The following RNPS1 variants were observed in gnomAD, a reference collection of about 807,000 sequenced individuals.
RNPS1 encodes the protein RNA-binding protein with serine-rich domain 1.
For missense variants in RNPS1, 300 were observed against 427.6 expected (o/e 0.70, Z 2.63); for synonymous variants, 147 against 150.0 (o/e 0.98, Z 0.15).
intron 6 of RNPS1, chr16:2,258,285 G>A (rs2093587438): frequency 6.6e-6 from 1 of 152,156 alleles, no homozygotes; most frequent in South Asian, 2.1e-4. Context: ...TGATCCTTAA[G>A]CTTTTAACAG....
chr16:2,267,550 G>T, intron 1 of RNPS1: 1 of 1,043,734 alleles, frequency 9.6e-7, no homozygotes, highest in Non-Finnish European at 1.2e-6. Context: ...TTGAATTAAT[G>T]ACTCCGAAGG....
rs2093615777 is a variant in RNPS1, at chr16:2,264,273, T to C, written c.130A>G (p.Lys44Glu). 1 of 1,614,202 alleles carries C rather than the reference T, an allele frequency of 6.2e-7. No individual in the cohort carries two copies. Among genetic ancestry groups the C allele is most frequent in the Non-Finnish European group, 8.5e-7 (1 of 1,180,034 alleles). The change falls in exon 3 of 8, where the codon AAA becomes GAA. Residue 44 changes from lysine (K) to glutamate (E), a missense_variant. Lys to Glu is a moderately conservative substitution (Grantham distance 56, BLOSUM62 1). Transcript: ENST00000320225. Reference protein sequence around the residue: ...RSDEKSKDRSKDKGATKESSE... With the variant: ...RSDEKSKDRSEDKGATKESSE... ...GACTCCTTGGTGGCCCCTTTATCTT[T>C]TGAGCGATCCTTGGACTTCTCATCT...
At chr16:2,259,816 G>A (rs1459075570) in intron 6 of RNPS1, among the ~76,000 whole-genome samples, 6 of 152,210 alleles carry the variant, frequency 3.9e-5, no homozygotes, top group Non-Finnish European at 7.3e-5. Flanking sequence ...GTGAACCCAG[G>A]AGGTGGAGCT....
chr16:2,264,377 A>G, intron 2 of RNPS1, 46 bp from the exon 3 acceptor site: 1 of 1,612,412 alleles, frequency 6.2e-7, no homozygotes, highest in Non-Finnish European at 8.5e-7. Flanking sequence ...CTCTGACCAA[A>G]CCCAAACAGC....
intron 6 of RNPS1, among the ~76,000 whole-genome samples, chr16:2,259,399 G>A (rs559411447): frequency 1.7e-4 from 26 of 152,254 alleles, no homozygotes; most frequent in East Asian, 5.8e-4. Flanking sequence ...AACAAATTTC[G>A]TCAATTGTGT....
At chr16:2,262,678 C>CT in intron 5 of RNPS1, 62 bp downstream of exon 5, 1 of 1,419,050 alleles carries the variant, frequency 7.0e-7, no homozygotes, top group South Asian at 1.2e-5. Context: ...CTAAGTTCAT[C>CT]TGCAGGCACA....
chr16:2,262,252 C>T lies in RNPS1; in HGVS notation c.676+26G>A, dbSNP rs778881770. On this transcript the variant is annotated intron_variant, in intron 6 of 7. Coordinates refer to ENST00000320225, the MANE Select transcript of RNPS1 (RefSeq NM_080594.4). ...TCGCGGCGGCGGGTCTCTGAGAGGT[C>T]AGGGTTATGTGGCAGGGTCACCCAC... 9 of 1,608,364 alleles carry T rather than the reference C, an allele frequency of 5.6e-6. No individual in the cohort carries two copies. The South Asian group carries it at 7.7e-5, about 14-fold the overall frequency.
chr16:2,266,190 G>A (rs988783353), intron 1 of RNPS1: 1 of 985,470 alleles, frequency 1.0e-6, no homozygotes, highest in Non-Finnish European at 1.2e-6. Flanking sequence ...CGCCAGGGGT[G>A]CTTCAAAATG....
chr16:2,259,836 C>T (rs2093595101), intron 6 of RNPS1, among the ~76,000 whole-genome samples: 1 of 152,186 alleles, frequency 6.6e-6, no homozygotes, highest in Middle Eastern at 3.2e-3. Context: ...TTGCAGTGAG[C>T]CGAGATTGCG....
intron 7 of RNPS1, among the ~76,000 whole-genome samples, chr16:2,254,499 G>A (rs142067775): frequency 0.048 from 7,349 of 152,004 alleles, 291 homozygotes; most frequent in Non-Finnish European, 0.075. Flanking sequence ...GGGTTTCACC[G>A]TGTTAGCCAG....
chr16:2,260,328 G>C (rs1019682333), intron 6 of RNPS1, among the ~76,000 whole-genome samples: 7 of 151,698 alleles, frequency 4.6e-5, no homozygotes, highest in Non-Finnish European at 1.0e-4. Flanking sequence ...GCTAATTTTT[G>C]TATTTTTATT....
At chr16:2,254,576 C>T (rs774969092) in intron 7 of RNPS1, among the ~76,000 whole-genome samples, 1 of 151,850 alleles carries the variant, frequency 6.6e-6, no homozygotes, top group Non-Finnish European at 1.5e-5. Flanking sequence ...GGATTACAGG[C>T]GTGAGCCACC....
intron 1 of RNPS1, chr16:2,267,335 T>G (rs1197577823): frequency 2.0e-6 from 2 of 984,826 alleles, no homozygotes. Context: ...AAAGTACATT[T>G]CAGGCACAGT....
chr16:2,267,508 G>A (rs142499268), intron 1 of RNPS1: 173 of 1,009,112 alleles, frequency 1.7e-4, no homozygotes, highest in Non-Finnish European at 2.0e-4. Context: ...AATTGCACAC[G>A]GGAGTCCGGG....
At chr16:2,266,864 C>G (rs543089605) in intron 1 of RNPS1, 79 of 353,570 alleles carry the variant, frequency 2.2e-4, no homozygotes, top group African/African-American at 1.6e-3. Flanking sequence ...TAAAAGTTTG[C>G]TTTTTTCCTA....
At chr16:2,267,815 G>A in intron 1 of RNPS1, 1 of 1,463,528 alleles carries the variant, frequency 6.8e-7, no homozygotes, top group Admixed American at 2.4e-5. Flanking sequence ...CCACCGCCGA[G>A]CGGACGAAGC....
intron 6 of RNPS1, among the ~76,000 whole-genome samples, chr16:2,260,173 T>G (rs1251086475): frequency 1.5e-5 from 2 of 135,132 alleles, no homozygotes; most frequent in Non-Finnish European, 3.0e-5. Flanking sequence ...TTTTTTTTTT[T>G]GAGACCTAGT....
At chr16:2,258,117 T>A (rs1374232252) in intron 6 of RNPS1, 1 of 152,230 alleles carries the variant, frequency 6.6e-6, no homozygotes, top group African/African-American at 2.4e-5. Flanking sequence ...GAGATACAAG[T>A]GTTTAAGAAA....
At chr16:2,266,585 G>C in intron 1 of RNPS1, 1 of 985,142 alleles carries the variant, frequency 1.0e-6, no homozygotes, top group Non-Finnish European at 1.2e-6. Context: ...TTAGGAGCAA[G>C]AGTTGTATCT....
Sources: allele counts gnomAD v4.1 joint callset (sites outside exome capture counted in the v4.1 genomes callset), GRCh38; gene constraint gnomAD v4.1.1; transcripts MANE v1.5; gene names NCBI Gene and HGNC (gene_info 2026-07-23, HGNC 2026-07-21).